The following RSPH9 variants were observed in gnomAD, a reference collection of about 807,000 sequenced individuals.
The protein encoded by RSPH9 is radial spoke head protein 9 homolog.
In RSPH9, 27 loss-of-function variants were observed where a neutral mutation model predicts 27.0. The ratio of observed to expected loss-of-function variants is 1.00; its 90% CI spans 0.74 to 1.38. The LOEUF is 1.38. Among genes scored for constraint, RSPH9 ranks in the 40% most tolerant of loss-of-function variants. RSPH9 has a pLI of 0.00. For missense variants in RSPH9, 347 were observed against 357.4 expected (o/e 0.97, Z 0.24); for synonymous variants, 145 against 147.7 (o/e 0.98, Z 0.13).
intron 4 of RSPH9, among the ~76,000 whole-genome samples, chr6:43,665,833 T>TTTA (rs1773080729): frequency 6.6e-6 from 1 of 151,888 alleles, no homozygotes; most frequent in African/African-American, 2.4e-5. Context: ...CTTTTTTTTT[T>TTTA]AATTTGACAG....
In RSPH9 at chr6:43,672,106, C is replaced by T. The variant is rs925756457; in HGVS notation, c.*1157C>T. The T allele has an allele frequency of 9.1e-6, 6 of 657,744 alleles. No homozygotes were observed. Among genetic ancestry groups the T allele is most frequent in the South Asian group, 2.0e-5 (1 of 50,252 alleles). 40.7% of individuals were successfully genotyped at this position (657,744 alleles called of 1,614,324 possible). On this transcript the variant is annotated 3_prime_UTR_variant, in exon 5 of 5. Transcript: ENST00000372163. ...AACAGATGGGCTGGGCTCTTGCTGC[C>T]GCAAGCCTGTGTGGCCAGGTTCAGG...
intron 3 of RSPH9, 35 bp downstream of exon 3, chr6:43,655,726 G>C (rs371995173): frequency 6.2e-7 from 1 of 1,613,398 alleles, no homozygotes; most frequent in South Asian, 1.1e-5. Flanking sequence ...AGGGCTGGGG[G>C]TATCTTTTCC....
intron 1 of RSPH9, among the ~76,000 whole-genome samples, chr6:43,647,603 C>CT (rs1179865839): frequency 6.6e-6 from 1 of 152,162 alleles, no homozygotes; most frequent in Non-Finnish European, 1.5e-5. Context: ...GTACCAGCAC[C>CT]ACTCAGTAGG....
chr6:43,647,074 T>G (rs1378311009), intron 1 of RSPH9, among the ~76,000 whole-genome samples: 1 of 148,182 alleles, frequency 6.7e-6, no homozygotes, highest in Non-Finnish European at 1.5e-5. Context: ...AAAGCTGCAG[T>G]TAACTATGGA....
chr6:43,650,733 C>T (rs1561937781), intron 2 of RSPH9, among the ~76,000 whole-genome samples, 193 bp downstream of exon 2: 1 of 151,782 alleles, frequency 6.6e-6, no homozygotes, highest in Non-Finnish European at 1.5e-5. Flanking sequence ...AGTGAAACCC[C>T]GTCTCTACTA....
intron 4 of RSPH9, among the ~76,000 whole-genome samples, chr6:43,669,704 T>C (rs1773521535): frequency 6.6e-6 from 1 of 152,200 alleles, no homozygotes; most frequent in Admixed American, 6.5e-5. Flanking sequence ...CGCAGGGGAA[T>C]AGAAGCCCCA....
intron 4 of RSPH9, chr6:43,666,363 G>A: frequency 7.6e-7 from 1 of 1,319,606 alleles, no homozygotes; most frequent in Non-Finnish European, 1.1e-6. Context: ...ACCAGGACTG[G>A]CTGGAGGGAT....
rs1473274340 is a variant in RSPH9, at chr6:43,670,828, T to A, written c.710T>A (p.Val237Glu). Residue 237 changes from valine to glutamate, a missense_variant, in exon 5 of 5, where the codon GTG (valine) becomes GAG (glutamate). Transcript: ENST00000372163. ...CAGATGGAGAGGGGCAATGCCCTGG[T>A]GGTGCTGCGCAGCCTGCTCTGGCCG... is the stretch of plus-strand genomic sequence containing the variant. ...SIQMERGNAL[V>E]VLRSLLWPGL... The A allele has an allele frequency of 6.2e-7, 1 of 1,614,200 alleles. No individual in the cohort carries two copies. The highest frequency in any genetic ancestry group is 1.1e-5 in the South Asian group (1 of 91,086).
chr6:43,649,689 G>T (rs1164444584), intron 1 of RSPH9, among the ~76,000 whole-genome samples: 1 of 152,112 alleles, frequency 6.6e-6, no homozygotes, highest in Non-Finnish European at 1.5e-5. Flanking sequence ...ACATAGGCTG[G>T]GCATTCCTGA....
rs1313785182 is a variant in RSPH9 at position 43,671,344 on chromosome 6, T to G, written c.*395T>G. On this transcript the variant is annotated 3_prime_UTR_variant, in exon 5 of 5. Transcript: ENST00000372163. Reference sequence around the variant, plus strand: ...GACCTGTTTGGCCCATGAATTCAATTGACTCATTGGCCCCATCACAAGAGA... The same window carrying G: ...GACCTGTTTGGCCCATGAATTCAATGGACTCATTGGCCCCATCACAAGAGA... The G allele has an allele frequency of 7.5e-6, 3 of 401,732 alleles. No individual in the cohort carries two copies. The highest frequency in any genetic ancestry group is 2.8e-5 in the South Asian group (1 of 36,264). The allele number at this position is 401,732 out of a possible 1,614,324, so 24.9% of individuals were successfully genotyped here. A position where few individuals can be genotyped will look rare whatever the true frequency, so the allele number is the denominator to read the frequency against.
chr6:43,655,988 A>ACTTGCTTCCTTC (rs745382908), intron 3 of RSPH9, among the ~76,000 whole-genome samples: 14 of 113,616 alleles, frequency 1.2e-4, no homozygotes, highest in African/African-American at 4.9e-4. Flanking sequence ...TCCTCCTTGG[A>ACTTGCTTCCTTC]CTTCCTTCCT....
Position 43,670,922 on chromosome 6 carries a change from G to C in RSPH9, c.804G>C (p.Lys268Asn), listed in dbSNP as rs542453386. The C allele has an allele frequency of 1.2e-6, 2 of 1,614,222 alleles. No individual in the cohort carries two copies. The highest frequency in any genetic ancestry group is 1.1e-5 in the South Asian group (1 of 91,086). ...ACGTCTACGTGGGCACTGGCGAGAAGAACATGGACTTGCCCTTCATGCTAT... is the reference window on the plus strand; with the variant it reads ...ACGTCTACGTGGGCACTGGCGAGAACAACATGGACTTGCCCTTCATGCTAT... ...YGYVYVGTGE[K>N]NMDLPFML The change falls in exon 5 of 5, where the codon AAG becomes AAC. Residue 268 changes from lysine to asparagine, a missense_variant. Transcript: ENST00000372163.
chr6:43,651,057 G>C (rs1417167625), intron 2 of RSPH9, among the ~76,000 whole-genome samples: 1 of 151,590 alleles, frequency 6.6e-6, no homozygotes, highest in African/African-American at 2.4e-5. Flanking sequence ...AGCCTCCCAA[G>C]TAGCTAGGAG....
chr6:43,646,310 A>G (rs1055124693), intron 1 of RSPH9, among the ~76,000 whole-genome samples: 12 of 147,700 alleles, frequency 8.1e-5, no homozygotes, highest in African/African-American at 2.8e-4. Flanking sequence ...TTTTTTTTGT[A>G]TTTTTAGTAG....
intron 1 of RSPH9, among the ~76,000 whole-genome samples, chr6:43,646,080 A>G (rs1215243742): frequency 2.0e-5 from 3 of 151,622 alleles, no homozygotes; most frequent in Non-Finnish European, 4.4e-5. Flanking sequence ...TCAGCCTCCC[A>G]AATAGCTGGG....
chr6:43,669,144 C>A (rs1773445218), intron 4 of RSPH9, among the ~76,000 whole-genome samples: 1 of 152,306 alleles, frequency 6.6e-6, no homozygotes, highest in East Asian at 1.9e-4. Flanking sequence ...CCAGCCGGAG[C>A]CCCGCTAACA....
intron 4 of RSPH9, 122 bp downstream of exon 4, chr6:43,656,845 T>C (rs1386335135): frequency 1.7e-5 from 20 of 1,170,176 alleles, no homozygotes; most frequent in Middle Eastern, 2.8e-4. Context: ...TGGTTCACCA[T>C]GGGTTTTTGA....
intron 4 of RSPH9, among the ~76,000 whole-genome samples, chr6:43,666,041 G>T (rs1207624548): frequency 6.6e-6 from 1 of 152,038 alleles, no homozygotes; most frequent in African/African-American, 2.4e-5. Flanking sequence ...GCCCAGGCTG[G>T]TCTTGAACAA....
chr6:43,651,141 G>A (rs942631482), intron 2 of RSPH9, among the ~76,000 whole-genome samples: 1 of 152,078 alleles, frequency 6.6e-6, no homozygotes, highest in Non-Finnish European at 1.5e-5. Context: ...TTGGGTACCT[G>A]GGTGTGCTAG....
Sources: gnomAD v4.1 joint callset for allele counts (sites outside exome capture counted in the v4.1 genomes callset) on GRCh38, gnomAD v4.1.1 for gene constraint, MANE v1.5 for transcripts, NCBI Gene and HGNC (gene_info 2026-07-23, HGNC 2026-07-21) for gene names.